TTLL11: variants seen among roughly 807,000 people sequenced by gnomAD.
The protein encoded by TTLL11 is tubulin tyrosine ligase like 11.
Under a neutral mutation model 51.7 loss-of-function variants are expected in TTLL11, and 42 were observed. The observed-to-expected ratio is 0.81, with a 90% confidence interval of 0.64 to 1.05. TTLL11 has a LOEUF of 1.05. Among genes scored for constraint, TTLL11 ranks in the 50% least tolerant of loss-of-function variants. The pLI is 0.00. For synonymous variants in TTLL11, 381 were observed against 383.5 expected (o/e 0.99, Z 0.08); for missense variants, 799 against 940.4 (o/e 0.85, Z 1.97).
At chr9:121,999,836 G>A (rs1418055457) in intron 3 of TTLL11, among the ~76,000 whole-genome samples, 4 of 152,084 alleles carry the variant, frequency 2.6e-5, no homozygotes, top group Admixed American at 2.6e-4. Flanking sequence ...AGATTTACAG[G>A]GTAATTTATT....
intron 6 of TTLL11, among the ~76,000 whole-genome samples, chr9:121,883,708 C>A (rs748052775): frequency 6.6e-6 from 1 of 152,162 alleles, no homozygotes; most frequent in Non-Finnish European, 1.5e-5. Flanking sequence ...AAGCAGACAT[C>A]CAGACAGTTT....
At chr9:121,947,660 G>A (rs999970928) in intron 6 of TTLL11, among the ~76,000 whole-genome samples, 1 of 152,142 alleles carries the variant, frequency 6.6e-6, no homozygotes, top group African/African-American at 2.4e-5. Flanking sequence ...AATAGAAAAT[G>A]TTCTCTGAAA....
chr9:121,837,113 T>C (rs538022193), intron 8 of TTLL11, among the ~76,000 whole-genome samples: 7 of 152,340 alleles, frequency 4.6e-5, no homozygotes, highest in Middle Eastern at 3.4e-3. Context: ...CTGTTGTTTA[T>C]AGACTGTATA....
intron 1 of TTLL11, among the ~76,000 whole-genome samples, chr9:122,084,871 ATC>A (rs1355481745): frequency 6.6e-6 from 1 of 152,184 alleles, no homozygotes; most frequent in Non-Finnish European, 1.5e-5. Flanking sequence ...GTAGAATAAC[ATC>A]TGTTTTCCCT....
intron 2 of TTLL11, among the ~76,000 whole-genome samples, chr9:122,033,529 T>A (rs1178893376): frequency 6.6e-6 from 1 of 152,240 alleles, no homozygotes; most frequent in African/African-American, 2.4e-5. Flanking sequence ...TTGGCAAAGC[T>A]ATTTTTAATA....
intron 6 of TTLL11, among the ~76,000 whole-genome samples, chr9:121,955,727 A>ATGTCCT (rs1841996778): frequency 6.6e-6 from 1 of 152,196 alleles, no homozygotes; most frequent in Admixed American, 6.5e-5. Flanking sequence ...CATTTCCAGC[A>ATGTCCT]AGGACATTTA....
At chr9:121,861,900 G>A (rs1202750173) in intron 7 of TTLL11, among the ~76,000 whole-genome samples, 2 of 152,164 alleles carry the variant, frequency 1.3e-5, no homozygotes, top group Non-Finnish European at 2.9e-5. Flanking sequence ...GCCACACTAA[G>A]CCCCAGATTT....
chr9:122,021,371 CA>C (rs2131780694), intron 3 of TTLL11, among the ~76,000 whole-genome samples: 1 of 152,242 alleles, frequency 6.6e-6, no homozygotes, highest in Non-Finnish European at 1.5e-5. Context: ...CACTTTTGTA[CA>C]GAGAACTCTG....
intron 8 of TTLL11, among the ~76,000 whole-genome samples, chr9:121,851,737 T>G (rs569668812): frequency 2.0e-5 from 3 of 152,318 alleles, no homozygotes; most frequent in Admixed American, 1.3e-4. Context: ...CTCAGTGCAG[T>G]TGGGAGCACT....
chr9:122,061,727 T>A (rs900373809), intron 1 of TTLL11, among the ~76,000 whole-genome samples: 14 of 152,144 alleles, frequency 9.2e-5, no homozygotes, highest in Non-Finnish European at 2.1e-4. Context: ...AACCTCTGCC[T>A]CCTGGGTTAA....
chr9:121,875,123 G>C (rs962851176), intron 6 of TTLL11, among the ~76,000 whole-genome samples: 1 of 152,110 alleles, frequency 6.6e-6, no homozygotes. Flanking sequence ...GGTGTTTCAG[G>C]CATTCACACT....
chr9:121,944,255 C>T (rs1347846974), intron 6 of TTLL11, among the ~76,000 whole-genome samples: 1 of 152,176 alleles, frequency 6.6e-6, no homozygotes, highest in Non-Finnish European at 1.5e-5. Flanking sequence ...CGCCTGTAAT[C>T]TCAGCACTTT....
At position 121,974,047 on chromosome 9, in the gene TTLL11, CAG is replaced by C; in HGVS notation, c.1441_1442del (p.Leu481AlafsTer7). ...EVKVAVIRDT[L>X]RLMDPLKKKR... ...TCTTCTTAAGTGGGTCCATGAGGCG[CAG>C]AGTGTCTCTGATCACAGCCACTTTC... On this transcript the variant is annotated frameshift_variant, in exon 6 of 9. Coordinates refer to ENST00000321582, the MANE Select transcript of TTLL11 (RefSeq NM_001139442.2). LOFTEE classifies it high-confidence loss of function. The C allele has an allele frequency of 6.4e-7, 1 of 1,551,690 alleles. No individual in the cohort carries two copies.
At chr9:122,050,810 C>A (rs1052131925) in intron 1 of TTLL11, among the ~76,000 whole-genome samples, 5 of 152,188 alleles carry the variant, frequency 3.3e-5, no homozygotes, top group African/African-American at 4.8e-5. Flanking sequence ...GAGTCACCTG[C>A]CATCAGCCAT....
In TTLL11 at chr9:121,816,415, C is replaced by G. The variant is rs930881228; in HGVS notation, c.*6172G>C. ...CCTCTTGGTGAGCACAAGACACTAC[C>G]GCAGGGCTGCAAAGAGCCCTCTCCA... is the stretch of plus-strand genomic sequence containing the variant. On this transcript the variant is annotated 3_prime_UTR_variant, in exon 9 of 9. Transcript: ENST00000321582. 1.3e-5 allele frequency: 2 copies of G among 152,184 alleles called. No homozygotes were observed. Among genetic ancestry groups the G allele is most frequent in the Non-Finnish European group, 2.9e-5 (2 of 68,028 alleles). 9.4% of individuals were successfully genotyped at this position (152,184 alleles called of 1,614,324 possible). A position where few individuals can be genotyped will look rare whatever the true frequency, so the allele number is the denominator to read the frequency against.
At chr9:121,826,946 A>G (rs1455210579) in intron 8 of TTLL11, among the ~76,000 whole-genome samples, 2 of 151,940 alleles carry the variant, frequency 1.3e-5, no homozygotes, top group Non-Finnish European at 2.9e-5. Context: ...AGGCTGGGGA[A>G]GAGGCCAAAG....
chr9:121,881,783 A>G (rs906679694), intron 6 of TTLL11, among the ~76,000 whole-genome samples: 2 of 152,156 alleles, frequency 1.3e-5, no homozygotes, highest in Non-Finnish European at 2.9e-5. Context: ...TGGTCAGGGG[A>G]AAAAGGGAAT....
chr9:122,018,408 G>C (rs561002518), intron 3 of TTLL11, among the ~76,000 whole-genome samples: 1 of 152,092 alleles, frequency 6.6e-6, no homozygotes, highest in Admixed American at 6.5e-5. Context: ...CACCGCGCCC[G>C]GCCAGTAATA....
At chr9:121,866,223 G>T (rs376137824) in intron 7 of TTLL11, among the ~76,000 whole-genome samples, 293 of 152,278 alleles carry the variant, frequency 1.9e-3, no homozygotes, top group African/African-American at 6.8e-3. Context: ...AAGTGGAACA[G>T]AGAGAGAGAA....
Sources: gnomAD v4.1 joint callset for allele counts (sites outside exome capture counted in the v4.1 genomes callset) on GRCh38, gnomAD v4.1.1 for gene constraint, MANE v1.5 for transcripts, NCBI Gene and HGNC (gene_info 2026-07-23, HGNC 2026-07-21) for gene names.